The following ROCK1 variants were observed in gnomAD, a reference collection of about 807,000 sequenced individuals.
ROCK1 encodes Rho associated coiled-coil containing protein kinase 1.
Under a neutral mutation model 196.8 loss-of-function variants are expected in ROCK1, and 36 were observed. That is an observed-to-expected ratio of 0.18 (90% CI 0.14 to 0.24). ROCK1 has a LOEUF of 0.24. ROCK1 is among the 10% of genes least tolerant of loss of function. The probability of loss-of-function intolerance (pLI) is 1.00; values close to 1 mark genes in which losing one functional copy is unlikely to be tolerated. For missense variants in ROCK1, 920 were observed against 1,562.0 expected, an observed-to-expected ratio of 0.59 and a Z score of 6.93; for synonymous variants, 443 against 515.9, an observed-to-expected ratio of 0.86 and a Z score of 1.91.
chr18:20,967,288 AAG>A (rs2035383215), intron 26 of ROCK1, among the ~76,000 whole-genome samples: 1 of 152,188 alleles, frequency 6.6e-6, no homozygotes, highest in Non-Finnish European at 1.5e-5. Flanking sequence ...TTGCCTTAAA[AAG>A]AGTTTTTGTT....
chr18:21,064,498 C>T (rs1301822076), intron 2 of ROCK1, among the ~76,000 whole-genome samples: 3 of 152,178 alleles, frequency 2.0e-5, no homozygotes, highest in Admixed American at 1.3e-4. Flanking sequence ...TCTTGTTCTT[C>T]ATGTCTTTAG....
chr18:20,993,235 G>A (rs563087341), intron 16 of ROCK1, among the ~76,000 whole-genome samples: 56 of 152,026 alleles, frequency 3.7e-4, no homozygotes, highest in African/African-American at 1.1e-3. Flanking sequence ...ACGGAGTCTC[G>A]CTCTGTTGCC....
chr18:21,032,171 C>A (rs1211440658), intron 9 of ROCK1, among the ~76,000 whole-genome samples: 1 of 152,134 alleles, frequency 6.6e-6, no homozygotes, highest in Non-Finnish European at 1.5e-5. Context: ...ACATCATAAT[C>A]ACATGCCATA....
At chr18:21,030,643 T>C (rs1239790740) in intron 9 of ROCK1, among the ~76,000 whole-genome samples, 1 of 152,226 alleles carries the variant, frequency 6.6e-6, no homozygotes, top group African/African-American at 2.4e-5. Context: ...TAAAAATAAT[T>C]ATTTCTGCTT....
At chr18:21,020,923 G>C (rs1190662711) in intron 11 of ROCK1, among the ~76,000 whole-genome samples, 2 of 152,114 alleles carry the variant, frequency 1.3e-5, no homozygotes, top group Non-Finnish European at 2.9e-5. Context: ...TTTTAAATGA[G>C]AAATGACATA....
intron 14 of ROCK1, 26 bp from the exon 15 acceptor site, chr18:21,006,816 G>T: frequency 7.2e-7 from 1 of 1,386,676 alleles, no homozygotes; most frequent in Non-Finnish European, 9.9e-7. Flanking sequence ...ATAATATATA[G>T]AAATTACAAC....
chr18:21,047,035 G>A (rs1011761189), intron 4 of ROCK1, among the ~76,000 whole-genome samples: 2 of 152,038 alleles, frequency 1.3e-5, no homozygotes, highest in African/African-American at 4.8e-5. Context: ...AAGAAACAAA[G>A]TGGCATTTCA....
intron 8 of ROCK1, 55 bp from the exon 9 acceptor site, chr18:21,039,618 C>T: frequency 8.0e-7 from 1 of 1,248,866 alleles, no homozygotes; most frequent in Non-Finnish European, 1.2e-6. Context: ...TTATTATAAC[C>T]TGTCCAGGTT....
At chr18:20,984,788 C>T (rs2035563385) in intron 19 of ROCK1, among the ~76,000 whole-genome samples, 1 of 152,016 alleles carries the variant, frequency 6.6e-6, no homozygotes, top group East Asian at 1.9e-4. Flanking sequence ...CCCCAATCAG[C>T]ATGAAAATTC....
intron 2 of ROCK1, among the ~76,000 whole-genome samples, chr18:21,054,015 G>A (rs906965119): frequency 6.6e-5 from 10 of 152,194 alleles, no homozygotes; most frequent in Non-Finnish European, 8.8e-5. Flanking sequence ...GTGAAGCAAG[G>A]AGAGCATCAC....
At chr18:21,050,155 C>T (rs1368346211) in intron 2 of ROCK1, among the ~76,000 whole-genome samples, 1 of 151,968 alleles carries the variant, frequency 6.6e-6, no homozygotes, top group African/African-American at 2.4e-5. Context: ...ACAAATATTA[C>T]ACTACAAACA....
At chr18:21,004,874 G>C (rs2035755299) in intron 16 of ROCK1, among the ~76,000 whole-genome samples, 2 of 152,164 alleles carry the variant, frequency 1.3e-5, no homozygotes, top group Admixed American at 6.5e-5. Flanking sequence ...CCTGGTCCCT[G>C]AGAAATATGA....
At position 20,958,894 on chromosome 18, in the gene ROCK1, T is replaced by C. The variant is rs1350584241; in HGVS notation, c.3512+946A>G. Among the ~76,000 whole-genome samples the C allele has an allele frequency of 8.4e-4, 52 of 62,140 alleles. No individual in the cohort carries two copies. The East Asian group carries it at 0.019, about 22-fold the overall frequency. The allele number at this position is 62,140 out of a possible 152,430, so 40.8% of individuals were successfully genotyped here. On this transcript the variant is annotated intron_variant, in intron 29 of 32. Transcript: ENST00000399799. ...TATTATATATATAAATATATATATT[T>C]ATTTATATATATATATTTTATATAT...
intron 9 of ROCK1, among the ~76,000 whole-genome samples, chr18:21,031,455 A>C (rs2036005434): frequency 6.6e-6 from 1 of 151,944 alleles, no homozygotes; most frequent in Non-Finnish European, 1.5e-5. Flanking sequence ...AATACAAAAA[A>C]TAAGCCAGGT....
At chr18:21,081,161 C>T (rs139745016) in intron 1 of ROCK1, among the ~76,000 whole-genome samples, 5 of 152,174 alleles carry the variant, frequency 3.3e-5, no homozygotes, top group Non-Finnish European at 7.4e-5. Flanking sequence ...CAAAATGACA[C>T]AAAGTATCTT....
intron 2 of ROCK1, among the ~76,000 whole-genome samples, chr18:21,061,544 T>G (rs1268856992): frequency 6.6e-6 from 1 of 152,124 alleles, no homozygotes; most frequent in Non-Finnish European, 1.5e-5. Context: ...GGTATTGGGG[T>G]GTTGCAGACA....
Position 21,015,455 on chromosome 18 carries a change from CT to C in ROCK1, c.1385del (p.Lys462ArgfsTer2). The C allele has an allele frequency of 6.4e-7, 1 of 1,566,692 alleles. No homozygotes were observed. Among genetic ancestry groups the C allele is most frequent in the Non-Finnish European group, 8.8e-7 (1 of 1,141,494 alleles). ...CCTCTTCATCCAATTCTTTCATTAT[CT>C]TGTCTAGTTTTATGTTTGAGGTTCT... ...KCRTSNIKLD[K>X]IMKELDEEGN... On this transcript the variant is annotated frameshift_variant, in exon 13 of 33. Coordinates refer to ENST00000399799, the MANE Select transcript of ROCK1 (RefSeq NM_005406.3). LOFTEE classifies it high-confidence loss of function.
At chr18:20,967,650 T>A (rs540587554) in intron 26 of ROCK1, 102 bp downstream of exon 26, 1 of 920,548 alleles carries the variant, frequency 1.1e-6, no homozygotes, top group Non-Finnish European at 1.6e-6. Context: ...AACCCTTGAT[T>A]GTTCCCAATC....
chr18:21,070,564 T>C lies in ROCK1; in HGVS notation c.143A>G (p.Lys48Arg), dbSNP rs2036375296. Residue 48 changes from lysine to arginine, a missense_variant, in exon 2 of 33, where the codon AAA becomes AGA. Lys to Arg is a conservative substitution (Grantham distance 26). Coordinates refer to ENST00000399799, the MANE Select transcript of ROCK1 (RefSeq NM_005406.3). ...TAAAAAGTTGTCAATATTTTTGTTT[T>C]TTCTTAAGGCAGGAAAATCCAAATC... ...VYDLDFPALR[K>R]NKNIDNFLSR... 6.2e-7 allele frequency: 1 copy of C among 1,605,224 alleles called. No homozygotes were observed. The highest frequency in any genetic ancestry group is 8.5e-7 in the Non-Finnish European group (1 of 1,174,648).
Sources: gnomAD v4.1 joint callset for allele counts (sites outside exome capture counted in the v4.1 genomes callset) on GRCh38, gnomAD v4.1.1 for gene constraint, MANE v1.5 for transcripts, NCBI Gene and HGNC (gene_info 2026-07-23, HGNC 2026-07-21) for gene names.